Variants in SDAD1 observed in about 807,000 individuals in gnomAD.
SDAD1 encodes the protein protein SDA1 homolog.
Under a neutral mutation model 100.3 loss-of-function variants are expected in SDAD1, and 79 were observed. That is an observed-to-expected ratio of 0.79 (90% confidence interval 0.66 to 0.95). The LOEUF is 0.95. SDAD1 is among the 40% of genes least tolerant of loss of function. The probability of loss-of-function intolerance (pLI) is 0.00; values close to 1 mark genes in which losing one functional copy is unlikely to be tolerated. For missense variants in SDAD1, 790 were observed against 810.9 expected (o/e 0.97, Z 0.31); for synonymous variants, 267 against 271.4 (o/e 0.98, Z 0.16).
At chr4:75,972,433 G>A (rs1578134316) in intron 8 of SDAD1, among the ~76,000 whole-genome samples, 1 of 150,508 alleles carries the variant, frequency 6.6e-6, no homozygotes, top group Non-Finnish European at 1.5e-5. Context: ...AACAAAGACT[G>A]TTGTCTTCCT....
intron 10 of SDAD1, 135 bp from the exon 11 acceptor site, chr4:75,969,534 T>C: frequency 1.7e-6 from 1 of 576,978 alleles, no homozygotes; most frequent in South Asian, 2.4e-5. Flanking sequence ...ATATATGTAA[T>C]GGTGCCCAAA....
intron 13 of SDAD1, among the ~76,000 whole-genome samples, chr4:75,965,473 C>T (rs185411450): frequency 3.0e-4 from 45 of 152,296 alleles, no homozygotes; most frequent in Non-Finnish European, 5.6e-4. Flanking sequence ...GTGACCCACA[C>T]TCTATTCTTA....
intron 21 of SDAD1, among the ~76,000 whole-genome samples, chr4:75,952,970 A>C (rs1728697424): frequency 6.6e-6 from 1 of 152,162 alleles, no homozygotes; most frequent in Admixed American, 6.5e-5. Context: ...TATGTGGTTC[A>C]TATTATATTT....
At chr4:75,958,465 A>T (rs946600049) in intron 17 of SDAD1, among the ~76,000 whole-genome samples, 3 of 152,212 alleles carry the variant, frequency 2.0e-5, no homozygotes, top group African/African-American at 7.2e-5. Context: ...TCCTGAAGAC[A>T]CCTCAATAAA....
intron 20 of SDAD1, among the ~76,000 whole-genome samples, chr4:75,956,337 A>C (rs922542815): frequency 6.6e-6 from 1 of 152,056 alleles, no homozygotes; most frequent in Non-Finnish European, 1.5e-5. Flanking sequence ...GTGGAAGAAA[A>C]GTCATAATTT....
chr4:75,959,505 G>A (rs922028483), intron 17 of SDAD1, among the ~76,000 whole-genome samples: 10 of 152,076 alleles, frequency 6.6e-5, no homozygotes, highest in East Asian at 1.9e-4. Flanking sequence ...TCAAGATGCC[G>A]AGGCAGGAGG....
intron 9 of SDAD1, among the ~76,000 whole-genome samples, chr4:75,970,840 A>C (rs1189174170): frequency 6.6e-6 from 1 of 152,186 alleles, no homozygotes; most frequent in Non-Finnish European, 1.5e-5. Context: ...GCCACCATGT[A>C]AGACATGCCT....
chr4:75,956,298 C>T (rs550623697), intron 20 of SDAD1, among the ~76,000 whole-genome samples, 162 bp from the exon 21 acceptor site: 9 of 151,770 alleles, frequency 5.9e-5, no homozygotes, highest in Non-Finnish European at 1.2e-4. Context: ...AATGGCCATA[C>T]AGTATTATAA....
intron 17 of SDAD1, among the ~76,000 whole-genome samples, chr4:75,958,240 G>A (rs1455808723): frequency 2.0e-5 from 3 of 152,194 alleles, no homozygotes; most frequent in South Asian, 2.1e-4. Flanking sequence ...AAGCCACACC[G>A]CTAAAAAGGC....
chr4:75,978,358 T>A (rs1287748587), intron 3 of SDAD1, among the ~76,000 whole-genome samples: 1 of 143,878 alleles, frequency 7.0e-6, no homozygotes, highest in African/African-American at 2.6e-5. Flanking sequence ...ACCCAGCTAT[T>A]TTTTTTTTTT....
At chr4:75,971,300 G>A (rs1347220926) in intron 9 of SDAD1, 57 bp downstream of exon 9, 22 of 1,193,748 alleles carry the variant, frequency 1.8e-5, no homozygotes, top group Admixed American at 1.6e-4. Context: ...TCTGGCTAAC[G>A]ACAACATATT....
At chr4:75,981,746 G>A (rs530643121) in intron 2 of SDAD1, among the ~76,000 whole-genome samples, 187 bp downstream of exon 2, 178 of 152,234 alleles carry the variant, frequency 1.2e-3, no homozygotes, top group Non-Finnish European at 2.1e-3. Context: ...GGTTAGTTAT[G>A]CAAAAAGATC....
At position 75,953,970 on chromosome 4, in the gene SDAD1, G is replaced by A. The variant is rs562123069; in HGVS notation, c.2016+2005C>T. On this transcript the variant is annotated intron_variant, in intron 21 of 21. Transcript: ENST00000356260. ...AATCCCAAAGCCTGTAAACATCAGG[G>A]CTTTCAAAAGGGCACATACAGGAAG... Among the ~76,000 whole-genome samples the A allele has an allele frequency of 1.7e-4, 26 of 152,224 alleles. No individual in the cohort carries two copies. In the South Asian group the frequency reaches 1.9e-3, roughly 11 times the overall value.
chr4:75,962,433 CA>C (rs1234768913), intron 14 of SDAD1, among the ~76,000 whole-genome samples: 1 of 152,168 alleles, frequency 6.6e-6, no homozygotes, highest in African/African-American at 2.4e-5. Flanking sequence ...ATGGCTGGGT[CA>C]AATGGTATTT....
chr4:75,967,414 C>A, intron 11 of SDAD1, 80 bp from the exon 12 acceptor site: 3 of 1,264,670 alleles, frequency 2.4e-6, no homozygotes, highest in Non-Finnish European at 2.3e-6. Context: ...AACATATCAC[C>A]AAGCTCAACT....
chr4:75,974,780 G>A (rs189275636), intron 6 of SDAD1, among the ~76,000 whole-genome samples: 5 of 151,422 alleles, frequency 3.3e-5, no homozygotes, highest in Admixed American at 6.6e-5. Context: ...AGTGGCTCAC[G>A]CCTGTAATCC....
At chr4:75,954,339 G>A (rs1415662835) in intron 21 of SDAD1, among the ~76,000 whole-genome samples, 8 of 150,440 alleles carry the variant, frequency 5.3e-5, no homozygotes, top group Non-Finnish European at 8.9e-5. Flanking sequence ...CTGAGATTGC[G>A]CCACTGCACT....
intron 10 of SDAD1, among the ~76,000 whole-genome samples, chr4:75,969,946 T>A (rs969199370): frequency 6.6e-6 from 1 of 151,928 alleles, no homozygotes; most frequent in African/African-American, 2.4e-5. Context: ...GAACTAGTGT[T>A]CTCGAACAAG....
At chr4:75,957,748 G>C (rs1728987066) in intron 18 of SDAD1, 40 bp from the exon 19 acceptor site, 1 of 1,612,196 alleles carries the variant, frequency 6.2e-7, no homozygotes, top group African/African-American at 1.3e-5. Context: ...ACCAGCTCAA[G>C]TGAGAGCTCA....
Sources: gnomAD v4.1 joint callset for allele counts (sites outside exome capture counted in the v4.1 genomes callset) on GRCh38, gnomAD v4.1.1 for gene constraint, MANE v1.5 for transcripts, NCBI Gene and HGNC (gene_info 2026-07-23, HGNC 2026-07-21) for gene names.